Variants in RRM2 observed in about 807,000 individuals in gnomAD.
RRM2 encodes ribonucleotide reductase regulatory subunit M2.
RRM2 carries 6 observed loss-of-function variants against 45.9 expected under a neutral mutation model. The observed-to-expected ratio is 0.13, with a 90% CI of 0.07 to 0.26. The LOEUF is 0.26. RRM2 is among the 10% of genes least tolerant of loss of function. RRM2 has a pLI of 1.00. For synonymous variants in RRM2, 177 were observed against 173.0 expected (o/e 1.02, Z -0.18); for missense variants, 343 against 489.5 (o/e 0.70, Z 2.82).
Position 10,194,620 on chromosome 2 carries a change from G to A in RRM2, n.483-15691G>A, listed in dbSNP as rs548295807. Among the ~76,000 whole-genome samples, 12 of 152,354 alleles carry A rather than the reference G, an allele frequency of 7.9e-5. No individual in the cohort carries two copies. In the East Asian group the frequency reaches 1.4e-3, roughly 17 times the overall value. On this transcript the variant is annotated intron_variant and non_coding_transcript_variant, in intron 3 of 3. Transcript: ENST00000381786. ...CCGGTGGGCCCCGGGTGGCTTGGCC[G>A]GCCTGGTGTCCCGTGCCCAGCATGG...
intron 3 of RRM2, among the ~76,000 whole-genome samples, chr2:10,167,640 T>G (rs1233721345): frequency 6.6e-6 from 1 of 152,138 alleles, no homozygotes; most frequent in Non-Finnish European, 1.5e-5. Flanking sequence ...TTCCTCCTTG[T>G]GTCTTCTCTC....
Position 10,172,516 on chromosome 2 carries a change from G to A in RRM2, n.482+30141G>A, listed in dbSNP as rs965166426. ...ATTTTGTGAGCAGAATGCTCCTGGG[G>A]CCAATAGATTTTTCCAGTAATGAAA... On this transcript the variant is annotated intron_variant and non_coding_transcript_variant, in intron 3 of 3. Transcript: ENST00000381786. This position sits in a 1 kb window ranked among gnomAD's most constrained non-coding sequence, Gnocchi z 4.9. Among the ~76,000 whole-genome samples the A allele has an allele frequency of 2.0e-5, 3 of 152,114 alleles. No individual in the cohort carries two copies. Among genetic ancestry groups the A allele is most frequent in the African/African-American group, 7.2e-5 (3 of 41,424 alleles).
At position 10,176,502 on chromosome 2, in the gene RRM2, A is replaced by G. The variant is rs1185131685; in HGVS notation, n.483-33809A>G. On this transcript the variant is annotated intron_variant and non_coding_transcript_variant, in intron 3 of 3. Coordinates refer to the RRM2 transcript ENST00000381786. Reference sequence around the variant, plus strand: ...AGGCTGGTCTCGAACTCCCAACCTCAGGTGATCTGCCCGCCTCGGCCTCCC... The same window carrying G: ...AGGCTGGTCTCGAACTCCCAACCTCGGGTGATCTGCCCGCCTCGGCCTCCC... Among the ~76,000 whole-genome samples the G allele has an allele frequency of 2.6e-5, 4 of 152,290 alleles. No individual in the cohort carries two copies. The East Asian group carries it at 5.8e-4, about 22-fold the overall frequency.
upstream of RRM2, chr2:10,122,636 C>T (rs1208853526): frequency 1.9e-6 from 3 of 1,541,954 alleles, no homozygotes; most frequent in East Asian, 2.5e-5. Flanking sequence ...GGGTCGGAGG[C>T]ATGGCACAGC....
chr2:10,129,245 A>G lies in RRM2; in HGVS notation c.1029A>G (p.Val343=). Residue 343 remains valine (V), a synonymous_variant, in exon 10 of 10, where the codon GTA becomes GTG. Coordinates refer to ENST00000304567, the MANE Select transcript of RRM2 (RefSeq NM_001034.4). This position sits in a 1 kb window ranked among gnomAD's most constrained non-coding sequence, Gnocchi z 4.8. ...GTGAACCTTTTCAGGTTTTCAGAGT[A>G]GAGAACCCATTTGACTTTATGGAGA... ...LELGFSKVFR[V]ENPFDFMENI... is the part of the protein sequence containing the mutation. The G allele has an allele frequency of 1.9e-6, 3 of 1,613,924 alleles. No homozygotes were observed. The highest frequency in any genetic ancestry group is 2.5e-6 in the Non-Finnish European group (3 of 1,179,952).
intron 3 of RRM2, among the ~76,000 whole-genome samples, chr2:10,161,144 A>C (rs371550813): frequency 6.6e-6 from 1 of 151,472 alleles, no homozygotes; most frequent in African/African-American, 2.4e-5. Context: ...GCTCACTGCA[A>C]CCTCCCAGAC....
intron 3 of RRM2, among the ~76,000 whole-genome samples, chr2:10,199,734 C>A (rs900320304): frequency 7.7e-6 from 1 of 129,196 alleles, no homozygotes; most frequent in African/African-American, 3.1e-5. Flanking sequence ...GAACTGAGAT[C>A]GTGCCACTGC....
At chr2:10,173,413 G>A (rs922142963) in intron 3 of RRM2, among the ~76,000 whole-genome samples, 2 of 152,160 alleles carry the variant, frequency 1.3e-5, no homozygotes, top group Admixed American at 6.5e-5. Context: ...CACTGCGTTG[G>A]CCAGTCACCC....
chr2:10,190,537 TGATGGTGGTGGTGAG>T (rs1010065073), intron 3 of RRM2, among the ~76,000 whole-genome samples: 8 of 147,304 alleles, frequency 5.4e-5, no homozygotes, highest in East Asian at 2.0e-4. Context: ...ATGATGGTGT[TGATGGTGGTGGTGAG>T]GATGGTGGTG....
At chr2:10,131,818 A>G (rs866112874), downstream of RRM2, among the ~76,000 whole-genome samples, 2 of 152,212 alleles carry the variant, frequency 1.3e-5, no homozygotes, top group South Asian at 2.1e-4. Flanking sequence ...CCTTGTGCCT[A>G]TTGGCACAAG....
In RRM2 at chr2:10,171,358, A is replaced by G. The variant is rs1663802883; in HGVS notation, n.482+28983A>G. Among the ~76,000 whole-genome samples, 1 of 152,194 alleles carries G rather than the reference A, an allele frequency of 6.6e-6. No individual in the cohort carries two copies. Among genetic ancestry groups the G allele is most frequent in the Admixed American group, 6.5e-5 (1 of 15,280 alleles). On this transcript the variant is annotated intron_variant and non_coding_transcript_variant, in intron 3 of 3. Coordinates refer to the RRM2 transcript ENST00000381786. The surrounding 1 kb of genome is among the most constrained non-coding windows in gnomAD (Gnocchi z 4.1). The stretch of plus-strand genomic sequence containing the variant: ...CAAAGGGAAAGAGAAATCCAGTGGC[A>G]CCAGTGGGCTGAGAAACTGTCGGGT...
At chr2:10,199,053 T>G (rs1664477657) in intron 3 of RRM2, 1 of 152,086 alleles carries the variant, frequency 6.6e-6, no homozygotes, top group African/African-American at 2.4e-5. Flanking sequence ...CCAGACCCTA[T>G]AGTTATAAAA....
chr2:10,202,758 G>T (rs1664591206), intron 3 of RRM2, among the ~76,000 whole-genome samples: 1 of 152,148 alleles, frequency 6.6e-6, no homozygotes, highest in Non-Finnish European at 1.5e-5. Flanking sequence ...GATTTAGGTG[G>T]TTTTTAATCA....
At chr2:10,179,637 G>A (rs1346864508) in intron 3 of RRM2, among the ~76,000 whole-genome samples, 1 of 152,160 alleles carries the variant, frequency 6.6e-6, no homozygotes, top group Admixed American at 6.5e-5. Flanking sequence ...GTTACTTCCC[G>A]ACGAACCCAT....
At chr2:10,184,710 G>A (rs78453054) in intron 3 of RRM2, among the ~76,000 whole-genome samples, 5,266 of 152,308 alleles carry the variant, frequency 0.035, 303 homozygotes, top group African/African-American at 0.12. Context: ...TGGGTTTGGG[G>A]CAGGCCCAGA....
chr2:10,170,431 A>C (rs893117987), intron 3 of RRM2, among the ~76,000 whole-genome samples: 2 of 151,966 alleles, frequency 1.3e-5, no homozygotes, highest in Admixed American at 1.3e-4. Flanking sequence ...CGCTGGAACC[A>C]GGGGGGAATT....
intron 3 of RRM2, among the ~76,000 whole-genome samples, chr2:10,173,800 G>A (rs1416096075): frequency 2.6e-5 from 4 of 152,256 alleles, no homozygotes; most frequent in Non-Finnish European, 4.4e-5. Context: ...CCGGGCAGAA[G>A]GCAGGGTTCC....
At chr2:10,157,839 G>A (rs1663465835) in intron 3 of RRM2, among the ~76,000 whole-genome samples, 1 of 152,190 alleles carries the variant, frequency 6.6e-6, no homozygotes, top group Non-Finnish European at 1.5e-5. Context: ...CATAGGAACT[G>A]AACTTGTAAA....
At position 10,127,662 on chromosome 2, in the gene RRM2, C is replaced by T. The variant is rs568926328; in HGVS notation, c.798+442C>T. 7.9e-5 allele frequency among the ~76,000 whole-genome samples: 12 copies of T among 151,718 alleles called. No homozygotes were observed. In the South Asian group the frequency reaches 1.0e-3, roughly 13 times the overall value. ...GCTAATTTTCGTCTTTTTATACAGA[C>T]GGGGTTTCACCATGTTTGCCAGACT... On this transcript the variant is annotated intron_variant, in intron 7 of 9. Coordinates refer to ENST00000304567, the MANE Select transcript of RRM2 (RefSeq NM_001034.4). This position sits in a 1 kb window ranked among gnomAD's most constrained non-coding sequence, Gnocchi z 4.1.
Sources: allele counts gnomAD v4.1 joint callset (sites outside exome capture counted in the v4.1 genomes callset), GRCh38; gene constraint gnomAD v4.1.1; non-coding constraint Gnocchi (gnomAD v3.1); transcripts MANE v1.5; gene names NCBI Gene and HGNC (gene_info 2026-07-23, HGNC 2026-07-21).